LOC400499: variants seen among roughly 807,000 people sequenced by gnomAD.
the LOC400499 span, among the ~76,000 whole-genome samples, chr16:11,480,914 CA>C: frequency 3.0e-4 from 46 of 152,328 alleles, no homozygotes; most frequent in African/African-American, 1.1e-3. Flanking sequence ...AGTACAGGAG[CA>C]GCACTATTCA....
At chr16:11,441,223 G>C in the LOC400499 span, 1 of 397,020 alleles carries the variant, frequency 2.5e-6, no homozygotes, top group Non-Finnish European at 4.4e-6. Context: ...CCACTTATAG[G>C]GCAGGAAGCG....
the LOC400499 span, chr16:11,423,120 C>A: frequency 2.5e-6 from 1 of 399,202 alleles, no homozygotes; most frequent in Non-Finnish European, 4.4e-6. Context: ...CTGTGCCAGC[C>A]CCGCTGGAGG....
the LOC400499 span, among the ~76,000 whole-genome samples, chr16:11,373,356 C>CT: frequency 6.6e-6 from 1 of 152,182 alleles, no homozygotes; most frequent in Non-Finnish European, 1.5e-5. Flanking sequence ...TGGGTTTTAA[C>CT]TTTTCTGAGA....
At chr16:11,512,299 A>T in the LOC400499 span, among the ~76,000 whole-genome samples, 2 of 150,680 alleles carry the variant, frequency 1.3e-5, no homozygotes, top group African/African-American at 4.9e-5. Flanking sequence ...TAAATAAATA[A>T]AATAATAATA....
chr16:11,490,662 C>G, the LOC400499 span, among the ~76,000 whole-genome samples: 1 of 152,176 alleles, frequency 6.6e-6, no homozygotes, highest in African/African-American at 2.4e-5. Context: ...GATCACACCA[C>G]TGCACTCCAG....
chr16:11,482,503 G>A, the LOC400499 span, among the ~76,000 whole-genome samples: 7 of 152,174 alleles, frequency 4.6e-5, no homozygotes, highest in Non-Finnish European at 4.4e-5. Flanking sequence ...TGAAAATTAA[G>A]ACTTCCTGCT....
chr16:11,411,627 A>G, the LOC400499 span, among the ~76,000 whole-genome samples: 1 of 152,122 alleles, frequency 6.6e-6, no homozygotes, highest in Non-Finnish European at 1.5e-5. Context: ...GCTTCCCCTG[A>G]GCCTCAGTTT....
the LOC400499 span, among the ~76,000 whole-genome samples, chr16:11,407,981 T>TG: frequency 7.1e-6 from 1 of 140,312 alleles, no homozygotes; most frequent in East Asian, 2.1e-4. Context: ...TTTTTTTTTT[T>TG]TTTTTTTTTT....
the LOC400499 span, among the ~76,000 whole-genome samples, chr16:11,498,687 A>G: frequency 6.6e-6 from 1 of 151,692 alleles, no homozygotes; most frequent in East Asian, 1.9e-4. Context: ...ACAAGAAAAT[A>G]CAGCCCAGAG....
At chr16:11,494,718 C>A in the LOC400499 span, 1 of 399,076 alleles carries the variant, frequency 2.5e-6, no homozygotes, top group Non-Finnish European at 4.4e-6. Context: ...GCTGAGATGC[C>A]CAGGAAGGCG....
the LOC400499 span, chr16:11,396,351 T>C: frequency 1.2e-5 from 8 of 683,360 alleles, no homozygotes; most frequent in South Asian, 1.6e-4. Context: ...CGACCCAGAA[T>C]GAAGCTCTGG....
chr16:11,498,160 C>CA, the LOC400499 span, among the ~76,000 whole-genome samples: 4 of 152,170 alleles, frequency 2.6e-5, no homozygotes, highest in Admixed American at 2.6e-4. Flanking sequence ...ACTTCACCAA[C>CA]ATGAAGAACT....
the LOC400499 span, among the ~76,000 whole-genome samples, chr16:11,373,710 C>T: frequency 6.6e-6 from 1 of 152,110 alleles, no homozygotes; most frequent in Non-Finnish European, 1.5e-5. Context: ...ACCTCTACCT[C>T]CCGGGTTCAA....
the LOC400499 span, among the ~76,000 whole-genome samples, chr16:11,459,343 C>G: frequency 6.6e-6 from 1 of 151,684 alleles, no homozygotes; most frequent in African/African-American, 2.4e-5. Flanking sequence ...GCTACAGGCA[C>G]CTGCCCCCGC....
the LOC400499 span, chr16:11,462,220 GCCC>G: frequency 6.5e-7 from 1 of 1,534,110 alleles, no homozygotes; most frequent in Non-Finnish European, 8.7e-7. Context: ...CGACGGGGCT[GCCC>G]CCCGTCACCA....
chr16:11,416,491 G>A, the LOC400499 span, among the ~76,000 whole-genome samples: 3 of 152,240 alleles, frequency 2.0e-5, no homozygotes, highest in South Asian at 4.1e-4. Context: ...TATCTCATAG[G>A]CTCGTTCATG....
chr16:11,461,200 A>C, the LOC400499 span: 1 of 1,452,972 alleles, frequency 6.9e-7, no homozygotes, highest in Non-Finnish European at 9.1e-7. Flanking sequence ...GAAGGGACTC[A>C]GGTATCACCG....
the LOC400499 span, among the ~76,000 whole-genome samples, chr16:11,445,019 G>A: frequency 2.0e-5 from 3 of 151,676 alleles, no homozygotes; most frequent in East Asian, 5.8e-4. Context: ...AGCCTAGGAG[G>A]ACAAGGCTAC....
At chr16:11,424,017 G>T in the LOC400499 span, 14 of 398,848 alleles carry the variant, frequency 3.5e-5, no homozygotes, top group Admixed American at 2.2e-4. Context: ...GCCAGACTAC[G>T]TCCCACACTC....
Sources: gnomAD v4.1 joint callset for allele counts (sites outside exome capture counted in the v4.1 genomes callset) on GRCh38, gnomAD v4.1.1 for gene constraint, MANE v1.5 for transcripts.